Variants in ZNF7 observed in about 807,000 individuals in gnomAD.
ZNF7 encodes C2-H2 type zinc finger protein.
In ZNF7, 10 loss-of-function variants were observed where a neutral mutation model predicts 12.0. That is an observed-to-expected ratio of 0.83 (90% CI 0.51 to 1.42). ZNF7 has a LOEUF of 1.42. Ranked by LOEUF, ZNF7 falls within the 40% of genes most tolerant of loss-of-function variation. The pLI, the probability that ZNF7 is intolerant of heterozygous loss-of-function variation, is 0.00. For missense variants in ZNF7, 854 were observed against 837.2 expected, an observed-to-expected ratio of 1.02 and a Z score of -0.25; for synonymous variants, 334 against 295.0, an observed-to-expected ratio of 1.13 and a Z score of -1.35.
rs752036728 is a variant in ZNF7, at chr8:144,842,277, A to C, written c.1170A>C (p.Gln390His). Residue 390 changes from glutamine to histidine, a missense_variant, in exon 5 of 5, where the codon CAA becomes CAC. Coordinates refer to ENST00000532777, the MANE Select transcript of ZNF7 (RefSeq NM_003416.4). ...HQRMHTGEKA[Q>H]ILKASDSPSL... ...GGATGCATACTGGGGAGAAAGCTCA[A>C]ATTCTAAAAGCCTCAGACAGTCCAA... 2 of 1,614,084 alleles carry C rather than the reference A, an allele frequency of 1.2e-6. No homozygotes were observed. The highest frequency in any genetic ancestry group is 1.7e-6 in the Non-Finnish European group (2 of 1,180,036).
Position 144,842,620 on chromosome 8 carries a change from G to A in ZNF7, c.1513G>A (p.Ala505Thr), listed in dbSNP as rs572997816. Reference protein sequence around the residue: ...KPYVCNDCGKAFSQSSSLIYH... With the variant: ...KPYVCNDCGKTFSQSSSLIYH... Reference sequence around the variant, plus strand: ...CTATGTGTGTAATGACTGTGGAAAAGCCTTCAGTCAGAGTTCCAGCCTTAT... The same window carrying A: ...CTATGTGTGTAATGACTGTGGAAAAACCTTCAGTCAGAGTTCCAGCCTTAT... Residue 505 changes from alanine (A) to threonine (T), a missense_variant, in exon 5 of 5, where the codon GCC becomes ACC. By Grantham distance (58) the Ala-to-Thr change is moderately conservative (BLOSUM62 0). Transcript: ENST00000532777. The A allele has an allele frequency of 2.3e-5, 37 of 1,614,190 alleles. No individual in the cohort carries two copies. The East Asian group carries it at 8.0e-4, about 35-fold the overall frequency.
rs1830032575 is a variant in ZNF7 at position 144,842,261 on chromosome 8, C to T, written c.1154C>T (p.Thr385Ile). Residue 385 changes from threonine to isoleucine, a missense_variant, in exon 5 of 5, where the codon ACT becomes ATT. Coordinates refer to ENST00000532777, the MANE Select transcript of ZNF7 (RefSeq NM_003416.4). ...CTAGCCCAGCATCAAAGGATGCATA[C>T]TGGGGAGAAAGCTCAAATTCTAAAA... is the stretch of plus-strand genomic sequence containing the variant. ...STLAQHQRMH[T>I]GEKAQILKAS... 3.1e-6 allele frequency: 5 copies of T among 1,613,954 alleles called. No individual in the cohort carries two copies. The South Asian group carries it at 5.5e-5, about 18-fold the overall frequency.
rs1830036074 is a variant in ZNF7, at chr8:144,842,291, C to T, written c.1184C>T (p.Ser395Leu). The change falls in exon 5 of 5, where the codon TCA becomes TTA. Residue 395 changes from serine (S) to leucine (L), a missense_variant. Physicochemically the swap from Ser to Leu is moderately radical, Grantham distance 145. Transcript: ENST00000532777. ...TGEKAQILKA[S>L]DSPSLVAHQR... ...GAGAAAGCTCAAATTCTAAAAGCCT[C>T]AGACAGTCCAAGCCTTGTTGCACAT... 3 of 1,614,052 alleles carry T rather than the reference C, an allele frequency of 1.9e-6. No homozygotes were observed. The highest frequency in any genetic ancestry group is 2.2e-5 in the East Asian group (1 of 44,876).
At position 144,842,526 on chromosome 8, in the gene ZNF7, G is replaced by C. The variant is rs1388139526; in HGVS notation, c.1419G>C (p.Glu473Asp). 6.2e-7 allele frequency: 1 copy of C among 1,614,120 alleles called. No homozygotes were observed. The highest frequency in any genetic ancestry group is 2.2e-5 in the East Asian group (1 of 44,870). ...HTGEKPFKCD[E>D]CGKGFVQGSH... The stretch of plus-strand genomic sequence containing the variant: ...GAGAAAAACCATTTAAATGTGATGA[G>C]TGTGGCAAAGGCTTTGTTCAGGGCT... The change falls in exon 5 of 5, where the codon GAG becomes GAC. Residue 473 changes from glutamate to aspartate, a missense_variant. Coordinates refer to ENST00000532777, the MANE Select transcript of ZNF7 (RefSeq NM_003416.4).
intron 3 of ZNF7, among the ~76,000 whole-genome samples, chr8:144,833,224 C>G (rs75585862): frequency 0.012 from 1,753 of 150,336 alleles, 31 homozygotes; most frequent in African/African-American, 0.038. Context: ...AAGACTATCT[C>G]CTTTTCCTGT....
intron 4 of ZNF7, chr8:144,841,001 G>A (rs981847121): frequency 4.5e-5 from 10 of 223,778 alleles, no homozygotes; most frequent in Middle Eastern, 1.6e-3. Context: ...CCCTGACCCC[G>A]CAGCCCAATC....
chr8:144,839,932 G>A (rs1010511011), intron 4 of ZNF7, among the ~76,000 whole-genome samples: 7 of 152,122 alleles, frequency 4.6e-5, no homozygotes, highest in Non-Finnish European at 8.8e-5. Flanking sequence ...TCTCTCTGCC[G>A]CTGCTCTTTA....
Position 144,841,337 on chromosome 8 carries a change from T to C in ZNF7, c.248-18T>C. 2 of 1,588,252 alleles carry C rather than the reference T, an allele frequency of 1.3e-6. No individual in the cohort carries two copies. Among genetic ancestry groups the C allele is most frequent in the Non-Finnish European group, 1.7e-6 (2 of 1,164,988 alleles). ...GAGCACAGGGCCTAAGGAACGTCTT[T>C]GTTCCTGTTTATTTCAGATTCTACG... On this transcript the variant is annotated intron_variant, in intron 4 of 4. Transcript: ENST00000532777.
chr8:144,831,554 C>T (rs1181556068), intron 3 of ZNF7, among the ~76,000 whole-genome samples: 11 of 152,106 alleles, frequency 7.2e-5, no homozygotes, highest in Admixed American at 2.0e-4. Flanking sequence ...GAGGCTGAGG[C>T]GGGTGGATCA....
intron 4 of ZNF7, chr8:144,838,314 A>C: frequency 3.4e-6 from 2 of 585,410 alleles, no homozygotes; most frequent in South Asian, 4.1e-5. Context: ...GTTTCCAAAC[A>C]AGGTCACATT....
At position 144,841,801 on chromosome 8, in the gene ZNF7, T is replaced by C; in HGVS notation, c.694T>C (p.Leu232=). Residue 232 remains leucine, a synonymous_variant, in exon 5 of 5, where the codon TTA becomes CTA. Transcript: ENST00000532777. ...CAGATGTCAAGAATGCCAAAAAAAG[T>C]TATCTGACTGCTTGCAGGGGAAACA... ...ISRCQECQKK[L]SDCLQGKHTN... is the part of the protein sequence containing the mutation. 2 of 1,614,106 alleles carry C rather than the reference T, an allele frequency of 1.2e-6. No individual in the cohort carries two copies. The highest frequency in any genetic ancestry group is 1.7e-6 in the Non-Finnish European group (2 of 1,180,022).
At chr8:144,827,650 T>G in intron 1 of ZNF7, 41 bp downstream of exon 1, 1 of 985,448 alleles carries the variant, frequency 1.0e-6, no homozygotes, top group Non-Finnish European at 1.2e-6. Flanking sequence ...TTGCCCTCGG[T>G]CCGAGTGATC....
chr8:144,830,692 T>A (rs1828342953), intron 3 of ZNF7, among the ~76,000 whole-genome samples: 1 of 152,132 alleles, frequency 6.6e-6, no homozygotes, highest in African/African-American at 2.4e-5. Context: ...TTACCCTGTC[T>A]CACTGAAATA....
Position 144,837,979 on chromosome 8 carries a change from TA to T in ZNF7, c.247+476del, listed in dbSNP as rs980169704. On this transcript the variant is annotated intron_variant, in intron 4 of 4. Coordinates refer to ENST00000532777, the MANE Select transcript of ZNF7 (RefSeq NM_003416.4). ...ACAATGAACCACAGACTAGGAAGCTTAAAACAACAGAAATTTATTGTCTCAC... is the reference window on the plus strand; with the variant it reads ...ACAATGAACCACAGACTAGGAAGCTTAAACAACAGAAATTTATTGTCTCAC... The T allele has an allele frequency of 4.4e-6, 3 of 679,976 alleles. No homozygotes were observed. In the African/African-American group the frequency reaches 5.3e-5, roughly 12 times the overall value. 42.1% of individuals were successfully genotyped at this position (679,976 alleles called of 1,614,324 possible). A position where few individuals can be genotyped will look rare whatever the true frequency, so the allele number is the denominator to read the frequency against.
rs1830224120 is a variant in ZNF7 at position 144,843,323 on chromosome 8, CT to C, written c.*157del. On this transcript the variant is annotated 3_prime_UTR_variant, in exon 5 of 5. Coordinates refer to ENST00000532777, the MANE Select transcript of ZNF7 (RefSeq NM_003416.4). ...TCCAACTTCAGGCCGAGTGTGGTGG[CT>C]TATGCCTGTCATCCCAGCACTTTGG... 1 of 986,590 alleles carries C rather than the reference CT, an allele frequency of 1.0e-6. No homozygotes were observed. Among genetic ancestry groups the C allele is most frequent in the East Asian group, 2.7e-5 (1 of 37,364 alleles). The allele number at this position is 986,590 out of a possible 1,614,324, so 61.1% of individuals were successfully genotyped here.
chr8:144,845,896 G>C (rs1037604108), downstream of ZNF7: 4 of 1,375,858 alleles, frequency 2.9e-6, no homozygotes, highest in Middle Eastern at 2.2e-4. Context: ...CTGCTGAGAA[G>C]GGTCTTGGCA....
At chr8:144,843,900 A>G (rs1830324535), downstream of ZNF7, 2 of 152,208 alleles carry the variant, frequency 1.3e-5, no homozygotes, top group Non-Finnish European at 2.9e-5. Flanking sequence ...TAGAATTCCA[A>G]CTTCAAATTA....
intron 3 of ZNF7, chr8:144,835,335 C>T (rs893665632): frequency 6.6e-6 from 1 of 151,800 alleles, no homozygotes; most frequent in African/African-American, 2.4e-5. Context: ...TCCCTAGTAG[C>T]TGGGACTATA....
Position 144,842,982 on chromosome 8 carries a change from A to G in ZNF7, c.1875A>G (p.Lys625=), listed in dbSNP as rs1454780587. 1 of 1,614,110 alleles carries G rather than the reference A, an allele frequency of 6.2e-7. No homozygotes were observed. Among genetic ancestry groups the G allele is most frequent in the African/African-American group, 1.3e-5 (1 of 74,930 alleles). Residue 625 remains lysine, a synonymous_variant, in exon 5 of 5, where the codon AAA becomes AAG. Coordinates refer to ENST00000532777, the MANE Select transcript of ZNF7 (RefSeq NM_003416.4). ...ALEGSTFVSR[K]KVNTIKKLHQ... ...AAGGGTCCACCTTTGTGAGCCGTAA[A>G]AAGGTTAATACTATAAAGAAACTGC... is the stretch of plus-strand genomic sequence containing the variant.
Sources: allele counts gnomAD v4.1 joint callset (sites outside exome capture counted in the v4.1 genomes callset), GRCh38; gene constraint gnomAD v4.1.1; transcripts MANE v1.5; gene names NCBI Gene and HGNC (gene_info 2026-07-23, HGNC 2026-07-21).